ITPR3: variants seen among roughly 807,000 people sequenced by gnomAD.
ITPR3 encodes inositol 1,4,5-trisphosphate-gated calcium channel ITPR3.
In ITPR3, 173 loss-of-function variants were observed where a neutral mutation model predicts 293.2. The ratio of observed to expected loss-of-function variants is 0.59; its 90% CI spans 0.52 to 0.67. The LOEUF is 0.67. ITPR3 is among the 30% of genes least tolerant of loss of function. The probability of loss-of-function intolerance (pLI) is 0.00; values close to 1 mark genes in which losing one functional copy is unlikely to be tolerated. For missense variants in ITPR3, 2,796 were observed against 3,592.1 expected, an observed-to-expected ratio of 0.78 and a Z score of 5.66; for synonymous variants, 1,295 against 1,444.4, an observed-to-expected ratio of 0.90 and a Z score of 2.35.
chr6:33,651,501 A>G (rs1764191435), intron 2 of ITPR3, among the ~76,000 whole-genome samples: 2 of 151,954 alleles, frequency 1.3e-5, no homozygotes, highest in Non-Finnish European at 1.5e-5. Context: ...CCCTTGTCTG[A>G]GACTGTATCC....
intron 23 of ITPR3, 140 bp downstream of exon 23, chr6:33,673,860 C>A: frequency 1.0e-6 from 1 of 1,003,280 alleles, no homozygotes; most frequent in Non-Finnish European, 1.4e-6. Flanking sequence ...CATTTAATTG[C>A]CTCAGTGAGG....
chr6:33,627,244 A>AT (rs11374195), intron 1 of ITPR3, among the ~76,000 whole-genome samples: 130,875 of 152,228 alleles, frequency 0.86, 56,348 homozygotes, highest in East Asian at 0.96. Context: ...GATTAAAAAA[A>AT]AATATACATT....
intron 1 of ITPR3, among the ~76,000 whole-genome samples, chr6:33,635,433 G>C (rs1430560659): frequency 1.3e-5 from 2 of 152,128 alleles, no homozygotes; most frequent in Admixed American, 1.3e-4. Flanking sequence ...TATGTATTTT[G>C]TGTGTCCCCT....
chr6:33,672,998 G>A lies in ITPR3; in HGVS notation c.2929-593G>A, dbSNP rs1228680881. Among the ~76,000 whole-genome samples, 1 of 152,156 alleles carries A rather than the reference G, an allele frequency of 6.6e-6. No individual in the cohort carries two copies. The highest frequency in any genetic ancestry group is 2.4e-5 in the African/African-American group (1 of 41,428). On this transcript the variant is annotated intron_variant, in intron 22 of 57. Transcript: ENST00000605930. The surrounding 1 kb of genome is among the most constrained non-coding windows in gnomAD (Gnocchi z 5.0). ...GTGACCTCCGTGGGGGACCTCTGGC[G>A]GTCAGAGTGGAGGGAGCTTCTGACT...
chr6:33,663,866 CTCTT>C lies in ITPR3; in HGVS notation c.1137_1140del (p.Phe380CysfsTer128). 6.2e-7 allele frequency: 1 copy of C among 1,614,186 alleles called. No homozygotes were observed. The highest frequency in any genetic ancestry group is 8.5e-7 in the Non-Finnish European group (1 of 1,180,016). On this transcript the variant is annotated frameshift_variant, in exon 11 of 58. Transcript: ENST00000605930. LOFTEE classifies it high-confidence loss of function. ...ACCCCACCACCTTGCAGAAAACCGA[CTCTT>C]TCGTGCCCCGGTGGGTATGCGCCAT...
In ITPR3 at chr6:33,668,605, C is replaced by A. The variant is rs1764675750; in HGVS notation, c.1977C>A (p.Pro659=). 6.2e-7 allele frequency: 1 copy of A among 1,614,100 alleles called. No homozygotes were observed. Among genetic ancestry groups the A allele is most frequent in the African/African-American group, 1.3e-5 (1 of 74,944 alleles). ...QELICKCVLD[P]KNSDILIRTE... is the part of the protein sequence containing the mutation. ...TCATCTGCAAGTGTGTGCTGGACCC[C>A]AAGAACAGTGACATTCTCATCCGGA... Residue 659 remains proline (P), a synonymous_variant, in exon 17 of 58, where the codon CCC becomes CCA. Coordinates refer to ENST00000605930, the MANE Select transcript of ITPR3 (RefSeq NM_002224.4).
rs758902653 is a variant in ITPR3, at chr6:33,689,416, TG to T, written c.6867+7del. 2 of 1,607,070 alleles carry T rather than the reference TG, an allele frequency of 1.2e-6. No homozygotes were observed. The highest frequency in any genetic ancestry group is 3.3e-5 in the Admixed American group (2 of 60,006). On this transcript the variant is annotated splice_region_variant and intron_variant, in intron 50 of 57. Transcript: ENST00000605930. Reference sequence around the variant, plus strand: ...ACATCCTGGGTGCCCTCAATGTGAGTGCCAGAGGGAGCCCCCATTCCCAAAC... The same window carrying T: ...ACATCCTGGGTGCCCTCAATGTGAGTCCAGAGGGAGCCCCCATTCCCAAAC...
intron 9 of ITPR3, 50 bp downstream of exon 9, chr6:33,663,056 T>C: frequency 2.0e-6 from 3 of 1,502,784 alleles, no homozygotes; most frequent in Non-Finnish European, 2.7e-6. Flanking sequence ...CATGTACACG[T>C]GGGTGTGCGG....
Position 33,691,504 on chromosome 6 carries a change from T to A in ITPR3, c.7226-111T>A. 2.3e-6 allele frequency: 2 copies of A among 865,392 alleles called. No homozygotes were observed. The highest frequency in any genetic ancestry group is 3.0e-4 in the Middle Eastern group (1 of 3,388). 53.6% of individuals were successfully genotyped at this position (865,392 alleles called of 1,614,324 possible). A position where few individuals can be genotyped will look rare whatever the true frequency, so the allele number is the denominator to read the frequency against. On this transcript the variant is annotated intron_variant, in intron 52 of 57. Transcript: ENST00000605930. The surrounding 1 kb of genome is among the most constrained non-coding windows in gnomAD (Gnocchi z 4.9). ...TCACTGTGGCTGGACAGTGGAGGGC[T>A]GGCGATCCAGGACCAGGGAAGGTTT...
intron 6 of ITPR3, 82 bp downstream of exon 6, chr6:33,659,201 G>T: frequency 7.5e-7 from 1 of 1,331,180 alleles, no homozygotes; most frequent in African/African-American, 1.4e-5. Flanking sequence ...CCCTGCCATG[G>T]TCTCTGCCTC....
chr6:33,654,249 C>T lies in ITPR3; in HGVS notation c.161-1517C>T, dbSNP rs1166251997. Among the ~76,000 whole-genome samples the T allele has an allele frequency of 6.6e-6, 1 of 151,970 alleles. No individual in the cohort carries two copies. The highest frequency in any genetic ancestry group is 1.5e-5 in the Non-Finnish European group (1 of 67,990). ...CATCACTGCACTCCAGCCTGAGCTA[C>T]AGAGTGAGACCGTGTCTCAAAAAAA... On this transcript the variant is annotated intron_variant, in intron 2 of 57. Transcript: ENST00000605930. This position sits in a 1 kb window ranked among gnomAD's most constrained non-coding sequence, Gnocchi z 4.1.
chr6:33,641,354 G>A lies in ITPR3; in HGVS notation c.160+800G>A, dbSNP rs929077840. Among the ~76,000 whole-genome samples the A allele has an allele frequency of 3.9e-5, 6 of 152,336 alleles. No homozygotes were observed. The South Asian group carries it at 1.2e-3, about 32-fold the overall frequency. ...GGGCCTGCTGCCACCAAGTCTGCCC[G>A]CGTGGCTGCTCCTCTGGGGAGAGCT... On this transcript the variant is annotated intron_variant, in intron 2 of 57. Transcript: ENST00000605930.
In ITPR3 at chr6:33,695,791, C is replaced by G; in HGVS notation, c.*11C>G. 1.9e-6 allele frequency: 3 copies of G among 1,613,672 alleles called. No individual in the cohort carries two copies. The highest frequency in any genetic ancestry group is 1.7e-6 in the Non-Finnish European group (2 of 1,179,708). On this transcript the variant is annotated 3_prime_UTR_variant, in exon 58 of 58. Transcript: ENST00000605930. ...TGCATTAGCCGCTGAGGAGAGCCAC[C>G]GAAGGCCCCAACAGGGGATGCTCAT...
Position 33,682,415 on chromosome 6 carries a change from G to T in ITPR3, c.4477-109G>T, listed in dbSNP as rs2127300998. On this transcript the variant is annotated intron_variant, in intron 33 of 57. Coordinates refer to ENST00000605930, the MANE Select transcript of ITPR3 (RefSeq NM_002224.4). The surrounding 1 kb of genome is among the most constrained non-coding windows in gnomAD (Gnocchi z 5.4). ...CAGAGGCACATGGTGGCTAGTGAAG[G>T]CTCCGTCTCTCCACCCATGCCCATT... 7.7e-7 allele frequency: 1 copy of T among 1,302,640 alleles called. No individual in the cohort carries two copies. Among genetic ancestry groups the T allele is most frequent in the Non-Finnish European group, 1.0e-6 (1 of 975,190 alleles). 80.7% of individuals were successfully genotyped at this position (1,302,640 alleles called of 1,614,324 possible). A position where few individuals can be genotyped will look rare whatever the true frequency, so the allele number is the denominator to read the frequency against.
chr6:33,650,597 G>A (rs1764163480), intron 2 of ITPR3, among the ~76,000 whole-genome samples: 1 of 152,148 alleles, frequency 6.6e-6, no homozygotes, highest in Admixed American at 6.5e-5. Flanking sequence ...GAATTGGAAT[G>A]CATCCACCCT....
At position 33,687,409 on chromosome 6, in the gene ITPR3, ATTG is replaced by A. The variant is rs1765262755; in HGVS notation, c.6178-67_6178-65del. On this transcript the variant is annotated intron_variant, in intron 45 of 57. Coordinates refer to ENST00000605930, the MANE Select transcript of ITPR3 (RefSeq NM_002224.4). The surrounding 1 kb of genome is among the most constrained non-coding windows in gnomAD (Gnocchi z 5.3). ...CAGCTGCCATCATCCCCCAGTCGCC[ATTG>A]TCGCCCCCCAGCCACCATGTCCCCC... 4.8e-6 allele frequency: 7 copies of A among 1,471,858 alleles called. No individual in the cohort carries two copies. The highest frequency in any genetic ancestry group is 4.2e-5 in the African/African-American group (3 of 71,766). The allele number at this position is 1,471,858 out of a possible 1,614,324, so 91.2% of individuals were successfully genotyped here.
Position 33,684,656 on chromosome 6 carries a change from C to A in ITPR3, c.5105C>A (p.Ser1702Ter). The A allele has an allele frequency of 6.2e-7, 1 of 1,614,108 alleles. No individual in the cohort carries two copies. ...QNYLQNRKST[S>*]RGDLPDPIGT... is the part of the protein sequence containing the mutation. ...TACCTCCAGAACCGGAAGTCCACCT[C>A]GCGGGGGGACCTTCCCGACCCCATA... is the stretch of plus-strand genomic sequence containing the variant. Residue 1702 changes from serine to a stop codon, truncating the protein, a stop_gained, in exon 38 of 58, where the codon TCG (serine) becomes TAG (stop). Transcript: ENST00000605930. LOFTEE classifies it high-confidence loss of function. The surrounding 1 kb of genome is among the most constrained non-coding windows in gnomAD (Gnocchi z 4.2).
At chr6:33,680,198 A>T in intron 31 of ITPR3, 65 bp downstream of exon 31, 2 of 1,589,634 alleles carry the variant, frequency 1.3e-6, no homozygotes, top group Non-Finnish European at 1.7e-6. Flanking sequence ...AAGCCACGGG[A>T]CAGGAAGAGT....
rs372801830 is a variant in ITPR3 at position 33,667,295 on chromosome 6, G to A, written c.1713+5G>A. 6.8e-5 allele frequency: 110 copies of A among 1,610,572 alleles called. No homozygotes were observed. The highest frequency in any genetic ancestry group is 5.2e-4 in the African/African-American group (39 of 74,822). Reference sequence around the variant, plus strand: ...GAGGACTACCGCAAGAACCAGGTGCGCCGCTGCCCTGCTGGCCCACTCGCT... The same window carrying A: ...GAGGACTACCGCAAGAACCAGGTGCACCGCTGCCCTGCTGGCCCACTCGCT... On this transcript the variant is annotated splice_donor_5th_base_variant and intron_variant, in intron 15 of 57. Coordinates refer to ENST00000605930, the MANE Select transcript of ITPR3 (RefSeq NM_002224.4). The surrounding 1 kb of genome is among the most constrained non-coding windows in gnomAD (Gnocchi z 4.4).
Sources: gnomAD v4.1 joint callset for allele counts (sites outside exome capture counted in the v4.1 genomes callset) on GRCh38, gnomAD v4.1.1 for gene constraint, Gnocchi (gnomAD v3.1) non-coding constraint, MANE v1.5 for transcripts, NCBI Gene and HGNC (gene_info 2026-07-23, HGNC 2026-07-21) for gene names.